The following CNTN4 variants were observed in gnomAD, a reference collection of about 807,000 sequenced individuals.
The protein encoded by CNTN4 is contactin-4.
A neutral mutation model predicts 122.5 loss-of-function variants in CNTN4; 77 were observed. That is an observed-to-expected ratio of 0.63 (90% CI 0.52 to 0.76). The LOEUF (loss-of-function observed/expected upper bound fraction) is 0.76. Among genes scored for constraint, CNTN4 ranks in the 30% least tolerant of loss-of-function variants. CNTN4 has a pLI of 0.00. For synonymous variants in CNTN4, 512 were observed against 447.0 expected, an observed-to-expected ratio of 1.15 and a Z score of -1.83; for missense variants, 1,256 against 1,259.1, an observed-to-expected ratio of 1.00 and a Z score of 0.04.
rs372224744 is a variant in CNTN4, at chr3:2,409,249, CTT to C, written c.-89+70031_-89+70032del. Among the ~76,000 whole-genome samples, 694 of 132,558 alleles carry C rather than the reference CTT, an allele frequency of 5.2e-3. 3 individuals are homozygous for C. The highest frequency in any genetic ancestry group is 0.017 in the African/African-American group (622 of 36,048). 87.0% of individuals were successfully genotyped at this position (132,558 alleles called of 152,430 possible). Reference sequence around the variant, plus strand: ...GTAATTTCTAGGTATCTTTTCTTTTCTTTTTTTTTTTTTTTTGAGATAGTGTC... The same window carrying C: ...GTAATTTCTAGGTATCTTTTCTTTTCTTTTTTTTTTTTTTGAGATAGTGTC... On this transcript the variant is annotated intron_variant, in intron 3 of 24. Coordinates refer to ENST00000418658, the MANE Select transcript of CNTN4 (RefSeq NM_175607.3).
intron 13 of CNTN4, among the ~76,000 whole-genome samples, chr3:2,984,196 A>G (rs898151364): frequency 6.9e-6 from 1 of 144,584 alleles, no homozygotes; most frequent in East Asian, 2.0e-4. Context: ...GCTTTTATGC[A>G]ATGCAGATAC....
chr3:2,574,196 A>AGCCAGACTCAGGAAGGAAGGAAGG (rs2079557939), intron 4 of CNTN4, among the ~76,000 whole-genome samples: 4 of 152,356 alleles, frequency 2.6e-5, no homozygotes, highest in African/African-American at 9.6e-5. Context: ...AGCCTGGGCA[A>AGCCAGACTCAGGAAGGAAGGAAGG]CAAGAGTGAA....
intron 2 of CNTN4, among the ~76,000 whole-genome samples, chr3:2,181,182 ATATAT>A (rs1407656403): frequency 1.3e-5 from 2 of 152,118 alleles, no homozygotes; most frequent in Non-Finnish European, 2.9e-5. Flanking sequence ...ATTGAAAAAA[ATATAT>A]TAGGTGCTGA....
At chr3:2,535,276 C>A (rs1202932273) in intron 3 of CNTN4, among the ~76,000 whole-genome samples, 1 of 152,072 alleles carries the variant, frequency 6.6e-6, no homozygotes, top group Non-Finnish European at 1.5e-5. Flanking sequence ...AATCTGTCCT[C>A]AATTCTTTCT....
At chr3:2,731,854 A>T (rs1351129272) in intron 4 of CNTN4, among the ~76,000 whole-genome samples, 1 of 152,262 alleles carries the variant, frequency 6.6e-6, no homozygotes, top group Non-Finnish European at 1.5e-5. Context: ...ACTATAGGTC[A>T]GTGGACTATT....
intron 3 of CNTN4, among the ~76,000 whole-genome samples, chr3:2,384,320 T>G (rs1308602389): frequency 6.6e-6 from 1 of 152,144 alleles, no homozygotes; most frequent in Non-Finnish European, 1.5e-5. Flanking sequence ...AATCCTGGCT[T>G]AAGTTGCTTT....
chr3:2,296,833 A>G (rs1325355913), intron 2 of CNTN4, among the ~76,000 whole-genome samples: 1 of 151,730 alleles, frequency 6.6e-6, no homozygotes, highest in East Asian at 1.9e-4. Context: ...TGAGGTAGAA[A>G]ATTGGATTGT....
chr3:2,930,796 T>G (rs12492685), intron 13 of CNTN4, among the ~76,000 whole-genome samples: 338 of 152,130 alleles, frequency 2.2e-3, no homozygotes, highest in Admixed American at 8.8e-3. Flanking sequence ...TGCTTAGCAC[T>G]AGAGAGAGAG....
At chr3:2,707,495 C>CAGGT (rs922450408) in intron 4 of CNTN4, among the ~76,000 whole-genome samples, 5 of 152,122 alleles carry the variant, frequency 3.3e-5, no homozygotes, top group Non-Finnish European at 7.3e-5. Flanking sequence ...ATAGCAGAGC[C>CAGGT]AGGTGTACAT....
chr3:2,187,434 C>A (rs566613036), intron 2 of CNTN4, among the ~76,000 whole-genome samples: 2 of 152,096 alleles, frequency 1.3e-5, no homozygotes, highest in South Asian at 4.1e-4. Context: ...AATCATTGGT[C>A]CTTGAAGGCA....
At chr3:2,150,579 A>G (rs1486897384) in intron 2 of CNTN4, among the ~76,000 whole-genome samples, 1 of 152,206 alleles carries the variant, frequency 6.6e-6, no homozygotes, top group African/African-American at 2.4e-5. Flanking sequence ...CTTCAAAGCT[A>G]TCTCAGCTTG....
intron 2 of CNTN4, among the ~76,000 whole-genome samples, chr3:2,165,256 G>A (rs1559302397): frequency 6.6e-6 from 1 of 151,892 alleles, no homozygotes; most frequent in Non-Finnish European, 1.5e-5. Flanking sequence ...CCAGGAGGCA[G>A]AGGTTGCAGT....
intron 3 of CNTN4, among the ~76,000 whole-genome samples, chr3:2,521,343 T>C (rs941067155): frequency 3.0e-4 from 38 of 128,356 alleles, no homozygotes; most frequent in East Asian, 7.0e-4. Flanking sequence ...CCTCTACCCA[T>C]CCCCCCCACC....
At chr3:2,980,116 A>C (rs555149319) in intron 13 of CNTN4, among the ~76,000 whole-genome samples, 1 of 152,370 alleles carries the variant, frequency 6.6e-6, no homozygotes, top group East Asian at 1.9e-4. Context: ...ATGTGAAGAA[A>C]GATAGATTCA....
At chr3:2,114,415 C>G (rs1451854638) in intron 2 of CNTN4, among the ~76,000 whole-genome samples, 1 of 152,024 alleles carries the variant, frequency 6.6e-6, no homozygotes, top group Non-Finnish European at 1.5e-5. Context: ...TGCTGTGATC[C>G]TGTCACTGCA....
At chr3:2,405,292 C>G (rs2046993950) in intron 3 of CNTN4, among the ~76,000 whole-genome samples, 1 of 152,108 alleles carries the variant, frequency 6.6e-6, no homozygotes, top group Non-Finnish European at 1.5e-5. Context: ...AACCCAGTAG[C>G]AATGAGCACA....
intron 2 of CNTN4, among the ~76,000 whole-genome samples, chr3:2,319,842 A>G (rs1299052283): frequency 6.6e-6 from 1 of 152,188 alleles, no homozygotes. Context: ...TTTTTGGTGT[A>G]TATAGAGACC....
chr3:2,988,651 A>G (rs867319647), intron 14 of CNTN4, 179 bp downstream of exon 14: 12 of 668,158 alleles, frequency 1.8e-5, no homozygotes, highest in Admixed American at 7.3e-5. Flanking sequence ...GGTAATGAAT[A>G]TGATTGAAAG....
chr3:2,244,846 A>G (rs1476098135), intron 2 of CNTN4, among the ~76,000 whole-genome samples: 1 of 152,056 alleles, frequency 6.6e-6, no homozygotes, highest in Non-Finnish European at 1.5e-5. Flanking sequence ...TGTGCTCTGA[A>G]TCTGAAAATG....
Sources: gnomAD v4.1 joint callset for allele counts (sites outside exome capture counted in the v4.1 genomes callset) on GRCh38, gnomAD v4.1.1 for gene constraint, MANE v1.5 for transcripts, NCBI Gene and HGNC (gene_info 2026-07-23, HGNC 2026-07-21) for gene names.